The following CEP70 variants were observed in gnomAD, a reference collection of about 807,000 sequenced individuals.
CEP70 encodes the protein centrosomal protein of 70 kDa.
In CEP70, 70 loss-of-function variants were observed where a neutral mutation model predicts 90.9. That is an observed-to-expected ratio of 0.77 (90% confidence interval 0.64 to 0.94). The LOEUF is 0.94. Among genes scored for constraint, CEP70 ranks in the 40% least tolerant of loss-of-function variants. The pLI is 0.00. For missense variants in CEP70, 648 were observed against 669.0 expected, an observed-to-expected ratio of 0.97 and a Z score of 0.35; for synonymous variants, 220 against 228.3, an observed-to-expected ratio of 0.96 and a Z score of 0.33.
intron 6 of CEP70, among the ~76,000 whole-genome samples, chr3:138,565,870 C>T (rs868168771): frequency 4.6e-5 from 7 of 152,048 alleles, no homozygotes; most frequent in Middle Eastern, 6.3e-3. Context: ...AAGAAACTAC[C>T]ATCAGAGTGA....
chr3:138,558,269 G>A (rs2040164153), intron 6 of CEP70, among the ~76,000 whole-genome samples: 1 of 152,204 alleles, frequency 6.6e-6, no homozygotes, highest in Non-Finnish European at 1.5e-5. Context: ...GGAGGCTGAA[G>A]TGGGCAAATC....
At chr3:138,503,435 T>C (rs528697248) in intron 13 of CEP70, among the ~76,000 whole-genome samples, 5 of 152,294 alleles carry the variant, frequency 3.3e-5, no homozygotes, top group Admixed American at 1.3e-4. Flanking sequence ...CCTATCTTAC[T>C]CTTTAAAGCC....
chr3:138,593,912 G>GT (rs1394114955), intron 1 of CEP70: 1 of 152,220 alleles, frequency 6.6e-6, no homozygotes, highest in Admixed American at 6.5e-5. Context: ...CAACCACCTT[G>GT]TAAGGCAAGA....
intron 2 of CEP70, among the ~76,000 whole-genome samples, chr3:138,577,226 A>C (rs906769906): frequency 6.6e-6 from 1 of 151,798 alleles, no homozygotes; most frequent in African/African-American, 2.4e-5. Flanking sequence ...GGATAGCATT[A>C]GGAGAAGTAC....
chr3:138,558,275 A>G (rs618792), intron 6 of CEP70, among the ~76,000 whole-genome samples: 89,708 of 151,678 alleles, frequency 0.59, 27,068 homozygotes, highest in East Asian at 0.94. Context: ...TGAAGTGGGC[A>G]AATCATGTGA....
At chr3:138,507,173 A>T (rs920299538) in intron 12 of CEP70, among the ~76,000 whole-genome samples, 1 of 152,216 alleles carries the variant, frequency 6.6e-6, no homozygotes, top group African/African-American at 2.4e-5. Context: ...CCCATTTACA[A>T]TAGCAATAAA....
At chr3:138,576,438 C>A (rs2041529457) in intron 2 of CEP70, among the ~76,000 whole-genome samples, 1 of 152,036 alleles carries the variant, frequency 6.6e-6, no homozygotes, top group Admixed American at 6.6e-5. Flanking sequence ...ACAGGAGCAC[C>A]CAGATTCATA....
At chr3:138,538,692 G>C (rs138817889) in intron 6 of CEP70, among the ~76,000 whole-genome samples, 4 of 152,246 alleles carry the variant, frequency 2.6e-5, no homozygotes, top group East Asian at 3.9e-4. Flanking sequence ...TAACGAGACA[G>C]TGTGGTGAGA....
intron 16 of CEP70, among the ~76,000 whole-genome samples, chr3:138,499,207 T>C (rs959302450): frequency 2.0e-5 from 3 of 152,172 alleles, no homozygotes; most frequent in Admixed American, 1.3e-4. Flanking sequence ...ATGGTTTATG[T>C]GGTATATATT....
intron 11 of CEP70, among the ~76,000 whole-genome samples, chr3:138,518,701 CAAAAGGTAGAT>C (rs1161219514): frequency 3.3e-5 from 5 of 152,062 alleles, no homozygotes; most frequent in Non-Finnish European, 7.4e-5. Flanking sequence ...TCATCAAAGA[CAAAAGGTAGAT>C]AAAACCACAA....
intron 11 of CEP70, among the ~76,000 whole-genome samples, chr3:138,516,396 G>C (rs1010541368): frequency 2.6e-5 from 4 of 151,842 alleles, no homozygotes; most frequent in African/African-American, 9.7e-5. Context: ...GGGGGGACGG[G>C]GGGTGGAGGG....
intron 16 of CEP70, among the ~76,000 whole-genome samples, chr3:138,498,575 C>T (rs912604891): frequency 1.3e-5 from 2 of 151,616 alleles, no homozygotes; most frequent in African/African-American, 4.8e-5. Context: ...ACCTCGTGAT[C>T]CGCCCACCTC....
At chr3:138,535,567 T>C (rs1182796240) in intron 7 of CEP70, among the ~76,000 whole-genome samples, 1 of 152,216 alleles carries the variant, frequency 6.6e-6, no homozygotes, top group East Asian at 1.9e-4. Flanking sequence ...CTACAACTCA[T>C]GTATTTCCAA....
At position 138,571,017 on chromosome 3, in the gene CEP70, C is replaced by G. The variant is rs962445023; in HGVS notation, c.284+17G>C. On this transcript the variant is annotated intron_variant, in intron 5 of 17. Transcript: ENST00000264982. ...CGCATACAAACAATTCAAAAGAAAT[C>G]TTTTCCATTTTCTCACCTAAGCTGT... The G allele has an allele frequency of 1.3e-6, 2 of 1,518,072 alleles. No homozygotes were observed. The highest frequency in any genetic ancestry group is 1.8e-6 in the Non-Finnish European group (2 of 1,134,980). The allele number at this position is 1,518,072 out of a possible 1,614,324, so 94.0% of individuals were successfully genotyped here. A position where few individuals can be genotyped will look rare whatever the true frequency, so the allele number is the denominator to read the frequency against.
rs78684992 is a variant in CEP70, at chr3:138,578,037, C to T, written c.-5-5105G>A. Among the ~76,000 whole-genome samples the T allele has an allele frequency of 7.1e-3, 1,087 of 152,312 alleles. 17 individuals carry two copies. Among genetic ancestry groups the T allele is most frequent in the African/African-American group, 0.025 (1,034 of 41,572 alleles). ...TAAAAACCCAAAAGCAATAGCAGGT[C>T]TTCCCTATACATGGGGATTGGTTTC... On this transcript the variant is annotated intron_variant, in intron 2 of 17. Transcript: ENST00000264982.
intron 2 of CEP70, among the ~76,000 whole-genome samples, chr3:138,588,511 G>T (rs2042219166): frequency 6.6e-6 from 1 of 152,162 alleles, no homozygotes; most frequent in East Asian, 1.9e-4. Context: ...TTGTTAGTCA[G>T]GAGGGAAATG....
intron 6 of CEP70, among the ~76,000 whole-genome samples, chr3:138,543,583 C>G (rs779387562): frequency 1.4e-4 from 21 of 152,208 alleles, no homozygotes; most frequent in Non-Finnish European, 2.1e-4. Context: ...CCTGGGAGCA[C>G]AGGGTCCCCA....
intron 17 of CEP70, chr3:138,497,227 T>G (rs771709627): frequency 8.0e-6 from 10 of 1,246,672 alleles, no homozygotes; most frequent in Non-Finnish European, 1.0e-5. Flanking sequence ...ATATTCTAAT[T>G]AGATACTTCT....
chr3:138,550,073 G>C (rs191209061), intron 6 of CEP70, among the ~76,000 whole-genome samples: 1 of 152,118 alleles, frequency 6.6e-6, no homozygotes, highest in African/African-American at 2.4e-5. Flanking sequence ...GCAGCCTTGA[G>C]CCCCAGACCT....
Sources: gnomAD v4.1 joint callset for allele counts (sites outside exome capture counted in the v4.1 genomes callset) on GRCh38, gnomAD v4.1.1 for gene constraint, MANE v1.5 for transcripts, NCBI Gene and HGNC (gene_info 2026-07-23, HGNC 2026-07-21) for gene names.